NSRP1: variants seen among roughly 807,000 people sequenced by gnomAD.
NSRP1 encodes nuclear speckle splicing regulatory protein 1, also known as coiled-coil domain containing 55.
A neutral mutation model predicts 54.7 loss-of-function variants in NSRP1; 24 were observed. The ratio of observed to expected loss-of-function variants is 0.44; its 90% CI spans 0.32 to 0.62. The LOEUF is 0.62. Ranked by LOEUF, NSRP1 falls within the 20% of genes least tolerant of loss-of-function variation. The probability of loss-of-function intolerance (pLI) is 0.06; values close to 1 mark genes in which losing one functional copy is unlikely to be tolerated. For missense variants in NSRP1, 596 were observed against 651.2 expected (o/e 0.92, Z 0.92); for synonymous variants, 210 against 213.8 (o/e 0.98, Z 0.15).
chr17:30,172,110 C>A (rs908277597), intron 2 of NSRP1, among the ~76,000 whole-genome samples: 2 of 151,500 alleles, frequency 1.3e-5, no homozygotes, highest in Non-Finnish European at 2.9e-5. Context: ...TTTTCCTGTA[C>A]CATTCTATTT....
chr17:30,122,351 T>TATATA (rs1567788455), intron 2 of NSRP1: 13 of 48,322 alleles, frequency 2.7e-4, no homozygotes, highest in African/African-American at 1.2e-3. Flanking sequence ...AACTCTGGTT[T>TATATA]CATATATATA....
intron 2 of NSRP1, among the ~76,000 whole-genome samples, chr17:30,135,424 G>A (rs551460731): frequency 3.3e-5 from 5 of 151,680 alleles, no homozygotes; most frequent in African/African-American, 4.8e-5. Flanking sequence ...CATGCCTGGC[G>A]CTTATCAGAG....
chr17:30,119,532 T>C (rs909281237), intron 2 of NSRP1, among the ~76,000 whole-genome samples: 2 of 151,218 alleles, frequency 1.3e-5, no homozygotes, highest in Non-Finnish European at 2.9e-5. Flanking sequence ...AGATGGAGTC[T>C]CCCTCTTTCG....
In NSRP1 at chr17:30,184,834, C is replaced by T; in HGVS notation, c.837C>T (p.Asp279=). 6.2e-7 allele frequency: 1 copy of T among 1,614,038 alleles called. No homozygotes were observed. Among genetic ancestry groups the T allele is most frequent in the Admixed American group, 1.7e-5 (1 of 60,002 alleles). The change falls in exon 7 of 7, where the codon GAC becomes GAT. Residue 279 remains aspartate, a synonymous_variant. Transcript: ENST00000247026. The part of the protein sequence containing the change: ...REKVIETPEN[D]FKHHRSQNHS... ...AGGTCATAGAGACCCCTGAGAATGA[C>T]TTCAAGCACCACAGGAGTCAAAACC...
chr17:30,174,529 A>G (rs765434526), intron 3 of NSRP1, among the ~76,000 whole-genome samples: 4 of 152,368 alleles, frequency 2.6e-5, no homozygotes, highest in South Asian at 2.1e-4. Context: ...TCAAGTTTAC[A>G]GAACTGATGA....
chr17:30,157,877 C>T (rs1904364846), intron 2 of NSRP1, among the ~76,000 whole-genome samples: 1 of 152,088 alleles, frequency 6.6e-6, no homozygotes, highest in South Asian at 2.1e-4. Context: ...TTGTTTAACA[C>T]ACTTTATCCG....
At position 30,155,685 on chromosome 17, in the gene NSRP1, A is replaced by T. The variant is rs138759643; in HGVS notation, c.115-16857A>T. 2.4e-4 allele frequency among the ~76,000 whole-genome samples: 36 copies of T among 152,248 alleles called. No homozygotes were observed. In the East Asian group the frequency reaches 4.4e-3, roughly 19 times the overall value. On this transcript the variant is annotated intron_variant, in intron 2 of 6. Coordinates refer to ENST00000247026, the MANE Select transcript of NSRP1 (RefSeq NM_032141.4). ...CAGCCTCCTGGCTGTAGCTAGGACT[A>T]CAGACGTACACCATCGTGTGGCTTT...
chr17:30,164,833 A>G (rs1344451961), intron 2 of NSRP1, among the ~76,000 whole-genome samples: 2 of 152,148 alleles, frequency 1.3e-5, no homozygotes, highest in Non-Finnish European at 2.9e-5. Context: ...TTTAAGGAAT[A>G]TTCTCCTGTG....
At chr17:30,131,784 A>G (rs575859465) in intron 2 of NSRP1, among the ~76,000 whole-genome samples, 1 of 152,312 alleles carries the variant, frequency 6.6e-6, no homozygotes, top group East Asian at 1.9e-4. Flanking sequence ...ATTTCTCGGT[A>G]ACATGTGATG....
At chr17:30,143,334 T>C (rs1451167416) in intron 2 of NSRP1, among the ~76,000 whole-genome samples, 1 of 152,194 alleles carries the variant, frequency 6.6e-6, no homozygotes, top group Non-Finnish European at 1.5e-5. Context: ...AGAAGCAGCA[T>C]TTGGAAGGAG....
chr17:30,124,094 G>A lies in NSRP1; in HGVS notation c.114+5921G>A, dbSNP rs189153960. Among the ~76,000 whole-genome samples, 31 of 151,616 alleles carry A rather than the reference G, an allele frequency of 2.0e-4. No homozygotes were observed. In the East Asian group the frequency reaches 5.1e-3, roughly 25 times the overall value. ...GTTCAAGTCCAGCCTGGGCAACAGC[G>A]AGACCCCGTCTCTATAAAAAAAAAA... is the stretch of plus-strand genomic sequence containing the variant. On this transcript the variant is annotated intron_variant, in intron 2 of 6. Coordinates refer to ENST00000247026, the MANE Select transcript of NSRP1 (RefSeq NM_032141.4).
chr17:30,166,219 T>A (rs1904727085), intron 2 of NSRP1, among the ~76,000 whole-genome samples: 2 of 152,144 alleles, frequency 1.3e-5, no homozygotes, highest in Non-Finnish European at 2.9e-5. Flanking sequence ...GTAGACTGTT[T>A]CTGAGTCTAC....
At chr17:30,142,570 G>A (rs555598631) in intron 2 of NSRP1, among the ~76,000 whole-genome samples, 8 of 151,642 alleles carry the variant, frequency 5.3e-5, no homozygotes, top group African/African-American at 4.8e-5. Flanking sequence ...GGCCTCAAAC[G>A]ATCCTCCCAC....
At chr17:30,153,043 T>TG (rs2071928866) in intron 2 of NSRP1, among the ~76,000 whole-genome samples, 1 of 151,476 alleles carries the variant, frequency 6.6e-6, no homozygotes, top group South Asian at 2.1e-4. Flanking sequence ...CTCTCCTCAG[T>TG]AGCTGGGATT....
intron 2 of NSRP1, among the ~76,000 whole-genome samples, chr17:30,167,540 C>T (rs1351899840): frequency 4.0e-5 from 6 of 151,726 alleles, no homozygotes; most frequent in South Asian, 4.2e-4. Flanking sequence ...ACCCGGGAGG[C>T]GGAGGTTGCA....
chr17:30,129,368 CATATT>C (rs1567790591), intron 2 of NSRP1, among the ~76,000 whole-genome samples: 2 of 148,640 alleles, frequency 1.3e-5, no homozygotes, highest in Admixed American at 6.7e-5. Context: ...TTTTCAAAAT[CATATT>C]ATTATTTTGT....
chr17:30,137,802 A>C (rs981692830), intron 2 of NSRP1, among the ~76,000 whole-genome samples: 19 of 152,146 alleles, frequency 1.2e-4, no homozygotes, highest in African/African-American at 4.6e-4. Flanking sequence ...GTCTTGGTGT[A>C]TTATTCTTTA....
chr17:30,152,365 G>A (rs1019034553), intron 2 of NSRP1, among the ~76,000 whole-genome samples: 5 of 150,344 alleles, frequency 3.3e-5, no homozygotes, highest in South Asian at 2.1e-4. Flanking sequence ...TGATCTGCCC[G>A]CCTCAGCCTC....
rs925208810 is a variant in NSRP1, at chr17:30,117,980, ATGTTT to A, written c.21-97_21-93del. 4 of 915,406 alleles carry A rather than the reference ATGTTT, an allele frequency of 4.4e-6. No homozygotes were observed. The African/African-American group carries it at 6.6e-5, about 15-fold the overall frequency. The allele number at this position is 915,406 out of a possible 1,614,324, so 56.7% of individuals were successfully genotyped here. ...GTTACGTGTTCATAAAGCTTATGAC[ATGTTT>A]TGATTTGGTAGCTTCATGTGGAAGA... On this transcript the variant is annotated intron_variant, in intron 1 of 6. Transcript: ENST00000247026.
Sources: gnomAD v4.1 joint callset for allele counts (sites outside exome capture counted in the v4.1 genomes callset) on GRCh38, gnomAD v4.1.1 for gene constraint, MANE v1.5 for transcripts, NCBI Gene and HGNC (gene_info 2026-07-23, HGNC 2026-07-21) for gene names.